WDR88: variants seen among roughly 807,000 people sequenced by gnomAD.
WDR88 encodes WD repeat-containing protein 88.
In WDR88, 40 loss-of-function variants were observed where a neutral mutation model predicts 46.8. The observed-to-expected ratio is 0.86, with a 90% CI of 0.66 to 1.11. WDR88 has a LOEUF of 1.11. Among genes scored for constraint, WDR88 ranks in the 50% most tolerant of loss-of-function variants. The pLI is 0.00. For missense variants in WDR88, 562 were observed against 602.4 expected (o/e 0.93, Z 0.70); for synonymous variants, 235 against 240.7 (o/e 0.98, Z 0.22).
At chr19:33,132,789 G>A (rs1176863554) in intron 1 of WDR88, among the ~76,000 whole-genome samples, 1 of 152,180 alleles carries the variant, frequency 6.6e-6, no homozygotes, top group Non-Finnish European at 1.5e-5. Flanking sequence ...GCAGCCCAAG[G>A]GTCGGTGGCT....
intron 10 of WDR88, chr19:33,174,402 G>C: frequency 1.4e-6 from 2 of 1,401,464 alleles, no homozygotes; most frequent in African/African-American, 1.4e-5. Flanking sequence ...CACCTTGCAG[G>C]CTCTTCTCCA....
At chr19:33,173,740 C>A (rs574720459) in intron 10 of WDR88, among the ~76,000 whole-genome samples, 6 of 152,364 alleles carry the variant, frequency 3.9e-5, no homozygotes, top group African/African-American at 1.4e-4. Context: ...TCACTGGCCA[C>A]CTAGGGCAAG....
At chr19:33,159,649 C>T (rs986826581) in intron 7 of WDR88, among the ~76,000 whole-genome samples, 1 of 152,022 alleles carries the variant, frequency 6.6e-6, no homozygotes, top group Admixed American at 6.6e-5. Context: ...CCCCTAGGAG[C>T]GATGGTTCAG....
At chr19:33,143,424 G>A (rs1973443291) in intron 2 of WDR88, among the ~76,000 whole-genome samples, 1 of 150,010 alleles carries the variant, frequency 6.7e-6, no homozygotes, top group Non-Finnish European at 1.5e-5. Context: ...CAGGAGGATC[G>A]CTTGAGCCAA....
intron 7 of WDR88, among the ~76,000 whole-genome samples, chr19:33,159,335 AAAATAAATAAATAAAT>A (rs71176202): frequency 0.12 from 17,127 of 142,678 alleles, 1,750 homozygotes; most frequent in African/African-American, 0.25. Context: ...CTTATCTCTA[AAAATAAATAAATAAAT>A]AAATAAATAA....
chr19:33,173,236 G>GCA (rs1295329096), intron 10 of WDR88, among the ~76,000 whole-genome samples: 1 of 152,096 alleles, frequency 6.6e-6, no homozygotes, highest in African/African-American at 2.4e-5. Context: ...GATGAGACCT[G>GCA]CAGGAGCACT....
At chr19:33,160,287 A>T (rs1973843210) in intron 7 of WDR88, 127 bp from the exon 8 acceptor site, 1 of 908,308 alleles carries the variant, frequency 1.1e-6, no homozygotes, top group Non-Finnish European at 1.8e-6. Flanking sequence ...GAGCCACTCC[A>T]GGAAGGGGTT....
At chr19:33,133,955 TTAGGGACTTTGCTCC>T (rs1318384535) in intron 1 of WDR88, among the ~76,000 whole-genome samples, 1 of 152,250 alleles carries the variant, frequency 6.6e-6, no homozygotes, top group Non-Finnish European at 1.5e-5. Flanking sequence ...CCCCTCGAGG[TTAGGGACTTTGCTCC>T]TAGGTGGCTG....
chr19:33,150,693 C>T (rs1973615560), intron 5 of WDR88, among the ~76,000 whole-genome samples: 1 of 152,252 alleles, frequency 6.6e-6, no homozygotes, highest in Non-Finnish European at 1.5e-5. Flanking sequence ...CCTAATAGCC[C>T]CTAAGAGCCC....
At chr19:33,166,512 G>C (rs936743599) in intron 9 of WDR88, among the ~76,000 whole-genome samples, 1 of 152,080 alleles carries the variant, frequency 6.6e-6, no homozygotes, top group Non-Finnish European at 1.5e-5. Flanking sequence ...TGGGAGGAAT[G>C]CTTGAGCTTA....
Position 33,170,902 on chromosome 19 carries a change from C to T in WDR88, c.1150-1446C>T, listed in dbSNP as rs528963851. On this transcript the variant is annotated intron_variant, in intron 9 of 10. Coordinates refer to ENST00000355868, the MANE Select transcript of WDR88 (RefSeq NM_173479.4). ...AAGAAAGAAAAAATCTCATTAAGTG[C>T]TTCTGTACATTTCGAGGAAGGTGAA... Among the ~76,000 whole-genome samples the T allele has an allele frequency of 7.2e-5, 11 of 152,220 alleles. No homozygotes were observed. The South Asian group carries it at 1.5e-3, about 20-fold the overall frequency.
intron 10 of WDR88, 87 bp downstream of exon 10, chr19:33,172,527 C>T (rs936243842): frequency 1.0e-4 from 113 of 1,103,934 alleles, no homozygotes; most frequent in Non-Finnish European, 1.5e-4. Context: ...ACTTTGGGCA[C>T]CTGGAGATGC....
chr19:33,157,553 G>A (rs10408226), intron 7 of WDR88, among the ~76,000 whole-genome samples: 3 of 140,098 alleles, frequency 2.1e-5, no homozygotes, highest in Non-Finnish European at 3.0e-5. Flanking sequence ...ATATATATGT[G>A]TATATATATA....
chr19:33,156,399 G>T lies in WDR88; in HGVS notation c.854G>T (p.Gly285Val). The T allele has an allele frequency of 6.2e-7, 1 of 1,614,142 alleles. No individual in the cohort carries two copies. The highest frequency in any genetic ancestry group is 8.5e-7 in the Non-Finnish European group (1 of 1,180,026). Residue 285 changes from glycine to valine, a missense_variant, in exon 7 of 11, where the codon GGC (glycine) becomes GTC (valine). Coordinates refer to ENST00000355868, the MANE Select transcript of WDR88 (RefSeq NM_173479.4). Reference protein sequence around the residue: ...AISNCCFTFSGHFLCTSSWDK... With the variant: ...AISNCCFTFSVHFLCTSSWDK... Reference sequence around the variant, plus strand: ...TCAAACTGCTGTTTTACCTTCAGTGGCCATTTCCTGTGTACAAGCTCCTGG... The same window carrying T: ...TCAAACTGCTGTTTTACCTTCAGTGTCCATTTCCTGTGTACAAGCTCCTGG...
intron 1 of WDR88, among the ~76,000 whole-genome samples, chr19:33,132,752 G>C (rs911528835): frequency 6.6e-6 from 1 of 152,230 alleles, no homozygotes; most frequent in African/African-American, 2.4e-5. Context: ...TCCGTAGGTA[G>C]GCCCACCCAC....
intron 7 of WDR88, among the ~76,000 whole-genome samples, chr19:33,157,773 G>A (rs544104369): frequency 1.4e-5 from 2 of 143,332 alleles, no homozygotes; most frequent in East Asian, 4.6e-4. Flanking sequence ...TAGTGGTCCA[G>A]CTCAGCCTAG....
intron 1 of WDR88, 121 bp from the exon 2 acceptor site, chr19:33,137,555 AT>A (rs1390907649): frequency 8.8e-6 from 8 of 904,948 alleles, no homozygotes; most frequent in Non-Finnish European, 1.3e-5. Flanking sequence ...CCTGGCCAGA[AT>A]TTTTTAAATT....
At chr19:33,141,953 T>C (rs1973404666) in intron 2 of WDR88, among the ~76,000 whole-genome samples, 1 of 152,136 alleles carries the variant, frequency 6.6e-6, no homozygotes, top group Non-Finnish European at 1.5e-5. Flanking sequence ...AGTGCTGGGA[T>C]TACAGGCATG....
intron 6 of WDR88, 84 bp downstream of exon 6, chr19:33,151,394 T>A: frequency 2.0e-6 from 3 of 1,507,034 alleles, no homozygotes; most frequent in Non-Finnish European, 2.7e-6. Context: ...TAAGCCAGCA[T>A]CCATGTGGAC....
Sources: allele counts gnomAD v4.1 joint callset (sites outside exome capture counted in the v4.1 genomes callset), GRCh38; gene constraint gnomAD v4.1.1; transcripts MANE v1.5; gene names NCBI Gene and HGNC (gene_info 2026-07-23, HGNC 2026-07-21).